ABCG1: variants seen among roughly 807,000 people sequenced by gnomAD.
ABCG1 encodes the protein ATP binding cassette subfamily G member 1.
ABCG1 carries 29 observed loss-of-function variants against 69.2 expected under a neutral mutation model. That is an observed-to-expected ratio of 0.42 (90% CI 0.31 to 0.57). The LOEUF (loss-of-function observed/expected upper bound fraction) is 0.57, where lower values mean the gene tolerates loss of function less well. Among genes scored for constraint, ABCG1 ranks in the 20% least tolerant of loss-of-function variants. The pLI is 0.15. For missense variants in ABCG1, 718 were observed against 898.1 expected (o/e 0.80, Z 2.56); for synonymous variants, 370 against 374.8 (o/e 0.99, Z 0.15).
intron 2 of ABCG1, among the ~76,000 whole-genome samples, chr21:42,247,549 G>A (rs964713292): frequency 2.6e-5 from 4 of 152,352 alleles, no homozygotes; most frequent in East Asian, 1.9e-4. Context: ...AAGCATTTGG[G>A]TGGAGATCTT....
At chr21:42,265,289 C>T (rs1418853787) in intron 2 of ABCG1, among the ~76,000 whole-genome samples, 1 of 152,222 alleles carries the variant, frequency 6.6e-6, no homozygotes, top group Non-Finnish European at 1.5e-5. Context: ...GGTTGAGTTG[C>T]ATCCCCCAAA....
At position 42,288,334 on chromosome 21, in the gene ABCG1, C is replaced by T. The variant is rs944104694; in HGVS notation, c.1224+22C>T. 23 of 1,571,422 alleles carry T rather than the reference C, an allele frequency of 1.5e-5. No individual in the cohort carries two copies. The African/African-American group carries it at 2.8e-4, about 19-fold the overall frequency. Reference sequence around the variant, plus strand: ...CTCGGTAAGGCTGCCCGCATCTTCTCCTGTAGCTGGGGAACCCGTGGGTCA... The same window carrying T: ...CTCGGTAAGGCTGCCCGCATCTTCTTCTGTAGCTGGGGAACCCGTGGGTCA... On this transcript the variant is annotated intron_variant, in intron 10 of 14. Transcript: ENST00000398449. This position sits in a 1 kb window ranked among gnomAD's most constrained non-coding sequence, Gnocchi z 4.8.
At position 42,291,421 on chromosome 21, in the gene ABCG1, G is replaced by A; in HGVS notation, c.1495-77G>A. The A allele has an allele frequency of 6.5e-7, 1 of 1,547,732 alleles. No individual in the cohort carries two copies. Among genetic ancestry groups the A allele is most frequent in the Non-Finnish European group, 8.8e-7 (1 of 1,140,172 alleles). On this transcript the variant is annotated intron_variant, in intron 12 of 14. Transcript: ENST00000398449. The surrounding 1 kb of genome is among the most constrained non-coding windows in gnomAD (Gnocchi z 6.4). Reference sequence around the variant, plus strand: ...TGGCGGGAGCTGCGGGGAAGGGCTGGCTGCCCAGGAGCTTTGCTGTTGGCC... The same window carrying A: ...TGGCGGGAGCTGCGGGGAAGGGCTGACTGCCCAGGAGCTTTGCTGTTGGCC...
chr21:42,243,473 T>C (rs1047011983), intron 2 of ABCG1, among the ~76,000 whole-genome samples: 3 of 150,740 alleles, frequency 2.0e-5, no homozygotes, highest in African/African-American at 7.4e-5. Context: ...TGTGTGTGTG[T>C]GTGTGTGTGT....
chr21:42,222,041 A>G (rs1569206064), intron 1 of ABCG1, among the ~76,000 whole-genome samples: 1 of 152,222 alleles, frequency 6.6e-6, no homozygotes, highest in Non-Finnish European at 1.5e-5. Context: ...ACATCTATGA[A>G]TGAACTTACT....
In ABCG1 at chr21:42,288,497, CAGG is replaced by C. The variant is rs547611507; in HGVS notation, c.1224+188_1224+190del. ...CCAAGGCAGGCAGATCATTTGAGGC[CAGG>C]AGTTCAGACCAGCCTGGCCAACGTG... On this transcript the variant is annotated intron_variant, in intron 10 of 14. Transcript: ENST00000398449. The surrounding 1 kb of genome is among the most constrained non-coding windows in gnomAD (Gnocchi z 4.8). 9.1e-4 allele frequency among the ~76,000 whole-genome samples: 139 copies of C among 152,322 alleles called. 2 individuals are homozygous for C. The Middle Eastern group carries it at 0.01, about 11-fold the overall frequency.
Position 42,248,845 on chromosome 21 carries a change from G to A in ABCG1, c.287-22225G>A, listed in dbSNP as rs187178131. On this transcript the variant is annotated intron_variant, in intron 2 of 14. Coordinates refer to ENST00000398449, the MANE Select transcript of ABCG1 (RefSeq NM_016818.3). ...TTTGAGCCAGGGAGATTGAGGTTGC[G>A]GTGAGCCATGATTGTGCCACTGCAC... 2.5e-3 allele frequency among the ~76,000 whole-genome samples: 371 copies of A among 150,670 alleles called. 2 individuals are homozygous for A. Among genetic ancestry groups the A allele is most frequent in the African/African-American group, 8.6e-3 (354 of 40,986 alleles).
At chr21:42,231,644 A>G (rs1403960030) in intron 2 of ABCG1, among the ~76,000 whole-genome samples, 1 of 152,224 alleles carries the variant, frequency 6.6e-6, no homozygotes, top group East Asian at 1.9e-4. Flanking sequence ...CTGGATTCCA[A>G]CCAAGTGCTA....
chr21:42,211,509 C>T (rs1438651652), upstream of ABCG1, among the ~76,000 whole-genome samples: 1 of 152,066 alleles, frequency 6.6e-6, no homozygotes, highest in Non-Finnish European at 1.5e-5. Context: ...TTACTTTCTC[C>T]CTGCTATGAT....
In ABCG1 at chr21:42,229,445, C is replaced by T. The variant is rs147742169; in HGVS notation, c.286+3531C>T. On this transcript the variant is annotated intron_variant, in intron 2 of 14. Transcript: ENST00000398449. ...TTGAAAGTGCCTGGTTCTGGCCGGG[C>T]ACAGTGGCTCACGCCTGTAATCCCA... Among the ~76,000 whole-genome samples, 346 of 152,264 alleles carry T rather than the reference C, an allele frequency of 2.3e-3. 2 individuals carry two copies. Among genetic ancestry groups the T allele is most frequent in the African/African-American group, 7.9e-3 (327 of 41,526 alleles).
intron 8 of ABCG1, among the ~76,000 whole-genome samples, chr21:42,286,586 C>T (rs865930602): frequency 9.9e-5 from 15 of 152,110 alleles, no homozygotes; most frequent in East Asian, 1.9e-4. Context: ...TAAGGTGGGA[C>T]GGGAGCCCCA....
rs753949518 is a variant in ABCG1 at position 42,288,343 on chromosome 21, G to C, written c.1224+31G>C. 8 of 1,539,696 alleles carry C rather than the reference G, an allele frequency of 5.2e-6. No homozygotes were observed. The highest frequency in any genetic ancestry group is 1.7e-5 in the Admixed American group (1 of 59,414). On this transcript the variant is annotated intron_variant, in intron 10 of 14. Transcript: ENST00000398449. The surrounding 1 kb of genome is among the most constrained non-coding windows in gnomAD (Gnocchi z 4.8). ...GCTGCCCGCATCTTCTCCTGTAGCT[G>C]GGGAACCCGTGGGTCATTTTCTCAG...
At chr21:42,256,704 G>T (rs769485683) in intron 2 of ABCG1, 49 of 1,423,680 alleles carry the variant, frequency 3.4e-5, no homozygotes, top group Non-Finnish European at 4.4e-5. Context: ...TGCATTCAGA[G>T]GGATCTGGGA....
Position 42,296,624 on chromosome 21 carries a change from GTTT to G in ABCG1, c.*243_*245del. On this transcript the variant is annotated 3_prime_UTR_variant, in exon 15 of 15. Transcript: ENST00000398449. This position sits in a 1 kb window ranked among gnomAD's most constrained non-coding sequence, Gnocchi z 5.4. ...CTAGGAAGATGTAGGCAGATTGGTGGTTTTTTTTTTTTTAACATACAGAATTTT... is the reference window on the plus strand; with the variant it reads ...CTAGGAAGATGTAGGCAGATTGGTGGTTTTTTTTTTAACATACAGAATTTT... 6.9e-6 allele frequency: 3 copies of G among 433,892 alleles called. No homozygotes were observed. The highest frequency in any genetic ancestry group is 8.4e-6 in the Non-Finnish European group (2 of 236,960). The allele number at this position is 433,892 out of a possible 1,614,324, so 26.9% of individuals were successfully genotyped here. A position where few individuals can be genotyped will look rare whatever the true frequency, so the allele number is the denominator to read the frequency against.
At chr21:42,284,780 C>T (rs2068907143) in intron 7 of ABCG1, 97 bp downstream of exon 7, 17 of 1,484,272 alleles carry the variant, frequency 1.1e-5, no homozygotes, top group Non-Finnish European at 1.4e-5. Context: ...TCTGTTAGCT[C>T]GTGGGGCGTC....
chr21:42,284,287 C>CA (rs2068893606), intron 6 of ABCG1, among the ~76,000 whole-genome samples: 1 of 150,212 alleles, frequency 6.7e-6, no homozygotes, highest in South Asian at 2.1e-4. Flanking sequence ...GAGTGGGGAC[C>CA]CCCCCCCAGT....
At chr21:42,272,578 G>A (rs1230667524) in intron 3 of ABCG1, among the ~76,000 whole-genome samples, 2 of 152,238 alleles carry the variant, frequency 1.3e-5, no homozygotes, top group East Asian at 3.9e-4. Flanking sequence ...TGGATCCTTA[G>A]AAGCACAGTG....
intron 5 of ABCG1, among the ~76,000 whole-genome samples, 179 bp downstream of exon 5, chr21:42,277,124 C>T (rs1322466104): frequency 6.6e-6 from 1 of 152,126 alleles, no homozygotes; most frequent in African/African-American, 2.4e-5. Flanking sequence ...CAGCCAGAGG[C>T]CAAGAAAGGC....
Position 42,219,774 on chromosome 21 carries a change from G to A in ABCG1, c.42+470G>A, listed in dbSNP as rs1601343497. ...TCTCGCGCCATCCCCAGGAACGCCA[G>A]GCAAGGTCTGGGGGAACAAAAGAGG... On this transcript the variant is annotated intron_variant, in intron 1 of 14. Transcript: ENST00000398449. The surrounding 1 kb of genome is among the most constrained non-coding windows in gnomAD (Gnocchi z 5.3). 7.1e-7 allele frequency: 1 copy of A among 1,398,614 alleles called. No individual in the cohort carries two copies. Among genetic ancestry groups the A allele is most frequent in the East Asian group, 2.7e-5 (1 of 36,886 alleles). 86.6% of individuals were successfully genotyped at this position (1,398,614 alleles called of 1,614,324 possible). A position where few individuals can be genotyped will look rare whatever the true frequency, so the allele number is the denominator to read the frequency against.
Sources: allele counts gnomAD v4.1 joint callset (sites outside exome capture counted in the v4.1 genomes callset), GRCh38; gene constraint gnomAD v4.1.1; non-coding constraint Gnocchi (gnomAD v3.1); transcripts MANE v1.5; gene names NCBI Gene and HGNC (gene_info 2026-07-23, HGNC 2026-07-21).